The following PCBP2 variants were observed in gnomAD, a reference collection of about 807,000 sequenced individuals.
The protein encoded by PCBP2 is poly(rC)-binding protein 2.
In PCBP2, 4 loss-of-function variants were observed where a neutral mutation model predicts 50.1. That is an observed-to-expected ratio of 0.08 (90% CI 0.04 to 0.18). PCBP2 has a LOEUF of 0.18. Ranked by LOEUF, PCBP2 falls within the 10% of genes least tolerant of loss-of-function variation. The pLI is 1.00. For missense variants in PCBP2, 161 were observed against 474.3 expected (o/e 0.34, Z 6.14); for synonymous variants, 179 against 168.0 (o/e 1.07, Z -0.51).
At chr12:53,471,032 GAC>G (rs1942193994) in intron 13 of PCBP2, among the ~76,000 whole-genome samples, 1 of 152,018 alleles carries the variant, frequency 6.6e-6, no homozygotes, top group Non-Finnish European at 1.5e-5. Context: ...GGACCTAAAA[GAC>G]AGTTCTGAGT....
Position 53,452,181 on chromosome 12 carries a change from G to A in PCBP2, c.-271G>A, listed in dbSNP as rs1191989541. ...CCGCCCGCCCTCCGCCCGCCCGCCC[G>A]CCCTCCGCCGCCCTCCACCCGCCCC... On this transcript the variant is annotated 5_prime_UTR_variant, in exon 1 of 15. Coordinates refer to ENST00000546463, the MANE Select transcript of PCBP2 (RefSeq NM_031989.5). 2.9e-5 allele frequency: 1 copy of A among 34,808 alleles called. No individual in the cohort carries two copies. Among genetic ancestry groups the A allele is most frequent in the Non-Finnish European group, 5.7e-5 (1 of 17,480 alleles). 2.2% of individuals were successfully genotyped at this position (34,808 alleles called of 1,614,324 possible). A position where few individuals can be genotyped will look rare whatever the true frequency, so the allele number is the denominator to read the frequency against.
chr12:53,473,745 A>G (rs1942388821), intron 14 of PCBP2, among the ~76,000 whole-genome samples: 1 of 152,064 alleles, frequency 6.6e-6, no homozygotes, highest in African/African-American at 2.4e-5. Flanking sequence ...GGTGCAGTTT[A>G]AATGCAGAAG....
chr12:53,475,237 T>G, intron 14 of PCBP2: 1 of 446,560 alleles, frequency 2.2e-6, no homozygotes, highest in Non-Finnish European at 4.5e-6. Context: ...TTGAGGCACC[T>G]CCTCCAGTAT....
intron 1 of PCBP2, chr12:53,454,468 GA>G (rs1940839914): frequency 4.0e-6 from 1 of 252,238 alleles, no homozygotes; most frequent in South Asian, 5.0e-5. Flanking sequence ...ATTGCCAATT[GA>G]AAGAACCTTG....
intron 13 of PCBP2, 127 bp downstream of exon 13, chr12:53,468,959 G>A: frequency 1.5e-6 from 1 of 683,436 alleles, no homozygotes; most frequent in Non-Finnish European, 2.4e-6. Context: ...CTGTAGTGCA[G>A]TGGTGCGATC....
chr12:53,462,570 A>G lies in PCBP2; in HGVS notation c.579+3A>G, dbSNP rs1565862974. On this transcript the variant is annotated splice_donor_region_variant and intron_variant, in intron 8 of 14. Coordinates refer to ENST00000546463, the MANE Select transcript of PCBP2 (RefSeq NM_031989.5). ...CGGTCATCTTTGCAGGTGGTCAGGTAAGAAAATTCTCATTTGTGGGCTAGA... is the reference window on the plus strand; with the variant it reads ...CGGTCATCTTTGCAGGTGGTCAGGTGAGAAAATTCTCATTTGTGGGCTAGA... The G allele has an allele frequency of 2.5e-6, 4 of 1,611,488 alleles. No individual in the cohort carries two copies. Among genetic ancestry groups the G allele is most frequent in the Non-Finnish European group, 2.5e-6 (3 of 1,178,016 alleles).
At chr12:53,466,567 C>A (rs1941840234) in intron 10 of PCBP2, among the ~76,000 whole-genome samples, 2 of 152,144 alleles carry the variant, frequency 1.3e-5, no homozygotes, top group African/African-American at 4.8e-5. Context: ...TCCTTACTAA[C>A]CTTTTCAGGT....
rs748712753 is a variant in PCBP2 at position 53,460,627 on chromosome 12, A to T, written c.376-388A>T. 14 of 225,654 alleles carry T rather than the reference A, an allele frequency of 6.2e-5. 1 individual carries two copies. The highest frequency in any genetic ancestry group is 3.7e-4 in the South Asian group (7 of 18,988). The allele number at this position is 225,654 out of a possible 1,614,324, so 14.0% of individuals were successfully genotyped here. On this transcript the variant is annotated intron_variant, in intron 6 of 14. Transcript: ENST00000546463. The stretch of plus-strand genomic sequence containing the variant: ...AATTGCTATATTCGAAGCACTTCTC[A>T]TGGTACCTGGCACATAGAATGGCCT...
intron 5 of PCBP2, 98 bp from the exon 6 acceptor site, chr12:53,459,174 C>G: frequency 2.9e-6 from 3 of 1,034,794 alleles, no homozygotes; most frequent in Non-Finnish European, 4.0e-6. Context: ...CTCGCATGTC[C>G]TAATAAGATC....
intron 14 of PCBP2, among the ~76,000 whole-genome samples, chr12:53,474,682 T>C (rs982896623): frequency 2.3e-4 from 35 of 152,296 alleles, no homozygotes; most frequent in African/African-American, 7.7e-4. Context: ...AATGGAAATA[T>C]ACATATTTAG....
chr12:53,461,901 A>AT (rs750443101), intron 7 of PCBP2, among the ~76,000 whole-genome samples: 7 of 151,916 alleles, frequency 4.6e-5, no homozygotes, highest in South Asian at 2.1e-4. Context: ...TAGAGACGGG[A>AT]TTTTGCCATG....
chr12:53,478,695 C>G (rs149022723), intron 14 of PCBP2, among the ~76,000 whole-genome samples: 106 of 151,896 alleles, frequency 7.0e-4, no homozygotes, highest in African/African-American at 2.5e-3. Flanking sequence ...TCCCAGCTAT[C>G]AGGTGGAGGC....
chr12:53,454,264 T>C (rs1940822240), intron 1 of PCBP2: 1 of 153,118 alleles, frequency 6.5e-6, no homozygotes, highest in South Asian at 2.1e-4. Flanking sequence ...ATCTACAAAT[T>C]GCTACTACAA....
chr12:53,479,381 C>CT (rs758086900), intron 14 of PCBP2, 25 bp from the exon 15 acceptor site: 22 of 1,612,348 alleles, frequency 1.4e-5, no homozygotes, highest in East Asian at 6.7e-5. Context: ...GGGAAACTAA[C>CT]TGAGTTCTTG....
In PCBP2 at chr12:53,462,535, T is replaced by G; in HGVS notation, c.547T>G (p.Ser183Ala). ...GACCATCCCGTACCGGCCCAAGCCG[T>G]CCAGCTCTCCGGTCATCTTTGCAGG... ...GVTIPYRPKP[S>A]SSPVIFAGGQ... Residue 183 changes from serine to alanine, a missense_variant, in exon 8 of 15, where the codon TCC becomes GCC. Ser to Ala is a moderately conservative substitution (Grantham distance 99, BLOSUM62 1). This residue lies in a region of PCBP2 where 35 missense variants were observed against 45.5 expected (regional missense o/e 0.77). Coordinates refer to ENST00000546463, the MANE Select transcript of PCBP2 (RefSeq NM_031989.5). 1 of 1,613,622 alleles carries G rather than the reference T, an allele frequency of 6.2e-7. No individual in the cohort carries two copies. Among genetic ancestry groups the G allele is most frequent in the Non-Finnish European group, 8.5e-7 (1 of 1,179,642 alleles).
chr12:53,477,510 A>G (rs1410948409), intron 14 of PCBP2, among the ~76,000 whole-genome samples: 1 of 151,766 alleles, frequency 6.6e-6, no homozygotes, highest in African/African-American at 2.4e-5. Flanking sequence ...CTAAAAACAT[A>G]AAAAAATTAG....
chr12:53,472,806 C>T (rs988362657), intron 14 of PCBP2, among the ~76,000 whole-genome samples: 5 of 152,144 alleles, frequency 3.3e-5, no homozygotes, highest in African/African-American at 1.2e-4. Context: ...CAGTAGCAGT[C>T]TGACTTTTGC....
chr12:53,473,604 T>G (rs987030294), intron 14 of PCBP2, among the ~76,000 whole-genome samples: 10 of 152,324 alleles, frequency 6.6e-5, no homozygotes, highest in African/African-American at 2.2e-4. Context: ...GTAGAGTGGC[T>G]CTTTTCAGGA....
At chr12:53,476,970 ATTCCACATGTTTAAGGGTCTAG>A (rs1193469053) in intron 14 of PCBP2, among the ~76,000 whole-genome samples, 1 of 152,186 alleles carries the variant, frequency 6.6e-6, no homozygotes, top group Non-Finnish European at 1.5e-5. Context: ...CCAAGGAAGG[ATTCCACATGTTTAAGGGTCTAG>A]CTACCATCAC....
Sources: gnomAD v4.1 joint callset for allele counts (sites outside exome capture counted in the v4.1 genomes callset) on GRCh38, gnomAD v4.1.1 for gene constraint, gnomAD v4.1.1 regional missense constraint, MANE v1.5 for transcripts, NCBI Gene and HGNC (gene_info 2026-07-23, HGNC 2026-07-21) for gene names.